Variants in RIPOR2 observed in about 807,000 individuals in gnomAD.
RIPOR2 encodes the protein rho family-interacting cell polarization regulator 2.
RIPOR2 carries 39 observed loss-of-function variants against 114.5 expected under a neutral mutation model. That is an observed-to-expected ratio of 0.34 (90% CI 0.26 to 0.44). RIPOR2 has a LOEUF of 0.44. Ranked by LOEUF, RIPOR2 falls within the 20% of genes least tolerant of loss-of-function variation. RIPOR2 has a pLI of 1.00. For synonymous variants in RIPOR2, 445 were observed against 484.4 expected, an observed-to-expected ratio of 0.92 and a Z score of 1.07; for missense variants, 1,007 against 1,255.1, an observed-to-expected ratio of 0.80 and a Z score of 2.99.
intron 20 of RIPOR2, among the ~76,000 whole-genome samples, chr6:24,817,771 C>T (rs1759288312): frequency 6.6e-6 from 1 of 152,156 alleles, no homozygotes; most frequent in Admixed American, 6.6e-5. Flanking sequence ...CACGACACCT[C>T]CTTATGACAA....
chr6:24,861,012 G>T lies in RIPOR2; in HGVS notation c.676C>A (p.Leu226Ile). Residue 226 changes from leucine to isoleucine, a missense_variant, in exon 8 of 22, where the codon CTA becomes ATA. Physicochemically the swap from Leu to Ile is conservative, Grantham distance 5 (BLOSUM62 2). Coordinates refer to ENST00000643898, the MANE Select transcript of RIPOR2 (RefSeq NM_001286445.3). ...TENMCTIEVE[L>I]ENLLGEFSIK... is the part of the protein sequence containing the mutation. ...GAGAATTCTCCCAGCAGATTCTCTA[G>T]CTCCACTTCAATGGTGCACATATTC... The T allele has an allele frequency of 6.2e-7, 1 of 1,610,448 alleles. No homozygotes were observed. Among genetic ancestry groups the T allele is most frequent in the South Asian group, 1.1e-5 (1 of 90,658 alleles).
intron 1 of RIPOR2, among the ~76,000 whole-genome samples, chr6:24,876,504 T>C (rs1220094320): frequency 6.6e-6 from 1 of 152,022 alleles, no homozygotes; most frequent in Non-Finnish European, 1.5e-5. Context: ...TGCGTCAAAC[T>C]GAAAACACAG....
At chr6:24,852,723 G>T in intron 8 of RIPOR2, 105 bp from the exon 9 acceptor site, 1 of 838,962 alleles carries the variant, frequency 1.2e-6, no homozygotes, top group Non-Finnish European at 1.8e-6. Flanking sequence ...AGAACTTTGT[G>T]CAAACTCACA....
At chr6:24,854,097 T>C (rs1763208317) in intron 8 of RIPOR2, among the ~76,000 whole-genome samples, 1 of 139,878 alleles carries the variant, frequency 7.1e-6, no homozygotes, top group South Asian at 2.2e-4. Context: ...CCAGCCTGGG[T>C]AACAGAGTGA....
chr6:24,868,614 A>G (rs1253088363), intron 6 of RIPOR2, among the ~76,000 whole-genome samples: 1 of 152,108 alleles, frequency 6.6e-6, no homozygotes, highest in Non-Finnish European at 1.5e-5. Context: ...GCACCCGAAA[A>G]CCATGCCATA....
Position 24,848,050 on chromosome 6 carries a change from G to A in RIPOR2, c.1139C>T (p.Pro380Leu), listed in dbSNP as rs758778623. 31 of 1,613,796 alleles carry A rather than the reference G, an allele frequency of 1.9e-5. No homozygotes were observed. Among genetic ancestry groups the A allele is most frequent in the South Asian group, 1.8e-4 (16 of 91,076 alleles). Residue 380 changes from proline to leucine, a missense_variant, in exon 12 of 22, where the codon CCC becomes CTC. Transcript: ENST00000643898. Reference sequence around the variant, plus strand: ...AAAGAAGGAGTGGTCTTTGAAGGTGGGCGTTTCCGGGGTACCCTGGCTGTA... The same window carrying A: ...AAAGAAGGAGTGGTCTTTGAAGGTGAGCGTTTCCGGGGTACCCTGGCTGTA... The part of the protein sequence containing the change: ...SMYSQGTPET[P>L]TFKDHSFFSN...
intron 1 of RIPOR2, among the ~76,000 whole-genome samples, chr6:24,909,972 A>T (rs1400512419): frequency 1.3e-5 from 2 of 151,962 alleles, no homozygotes; most frequent in African/African-American, 2.4e-5. Flanking sequence ...CCACCTTAGC[A>T]CCTGATGACT....
At chr6:24,810,628 G>A (rs1045847787) in intron 20 of RIPOR2, among the ~76,000 whole-genome samples, 5 of 152,146 alleles carry the variant, frequency 3.3e-5, no homozygotes, top group African/African-American at 1.2e-4. Context: ...GAAAACCCAT[G>A]CAGATCACTG....
rs1409870427 is a variant in RIPOR2 at position 24,805,262 on chromosome 6, G to C, written c.*1111C>G. ...AAAAAAAAAAAAGCATAAGCTTTGA[G>C]TTTTTTGTTTAAGTGTATAGGCATA... On this transcript the variant is annotated 3_prime_UTR_variant, in exon 22 of 22. Transcript: ENST00000643898. The C allele has an allele frequency of 4.0e-5, 2 of 50,322 alleles. No homozygotes were observed. The highest frequency in any genetic ancestry group is 4.1e-4 in the Admixed American group (2 of 4,866). 3.1% of individuals were successfully genotyped at this position (50,322 alleles called of 1,614,324 possible).
At chr6:24,936,470 G>A (rs1771814491), upstream of RIPOR2, among the ~76,000 whole-genome samples, 1 of 151,922 alleles carries the variant, frequency 6.6e-6, no homozygotes, top group Non-Finnish European at 1.5e-5. Flanking sequence ...TGCATTTAAG[G>A]ATTGGAAACT....
intron 1 of RIPOR2, among the ~76,000 whole-genome samples, chr6:24,980,946 C>T (rs1774262419): frequency 6.6e-6 from 1 of 152,120 alleles, no homozygotes; most frequent in Non-Finnish European, 1.5e-5. Context: ...TTCATTGTCC[C>T]AGTCTTCTAT....
Position 24,865,334 on chromosome 6 carries a change from TG to T in RIPOR2, c.617del (p.Thr206LysfsTer21). ...ACTCCTTGAAGCTCCGATTGATCTC[TG>T]TCAGACTCTCCCGGGCAGCTTTGCT... ...PASKAARESL[T>X]EINRSFKEYT... On this transcript the variant is annotated frameshift_variant, in exon 7 of 22. Coordinates refer to ENST00000643898, the MANE Select transcript of RIPOR2 (RefSeq NM_001286445.3). LOFTEE classifies it high-confidence loss of function. The T allele has an allele frequency of 6.2e-7, 1 of 1,612,664 alleles. No individual in the cohort carries two copies. Among genetic ancestry groups the T allele is most frequent in the Non-Finnish European group, 8.5e-7 (1 of 1,178,832 alleles).
rs1770986519 is a variant in RIPOR2 at position 24,927,252 on chromosome 6, C to CATCACCATCACT, written c.61+8585_61+8586insAGTGATGGTGAT. The stretch of plus-strand genomic sequence containing the variant: ...GCACCACCACAACTACAATCACCAC[C>CATCACCATCACT]ACCACCACCACCACAGCTACAATCA... On this transcript the variant is annotated intron_variant, in intron 1 of 21. Coordinates refer to ENST00000643898, the MANE Select transcript of RIPOR2 (RefSeq NM_001286445.3). 8.6e-5 allele frequency among the ~76,000 whole-genome samples: 13 copies of CATCACCATCACT among 151,986 alleles called. 2 individuals are homozygous for CATCACCATCACT. Among genetic ancestry groups the CATCACCATCACT allele is most frequent in the Admixed American group, 2.6e-4 (4 of 15,266 alleles).
chr6:25,021,442 G>A (rs1004011285), intron 1 of RIPOR2, among the ~76,000 whole-genome samples: 33 of 152,178 alleles, frequency 2.2e-4, no homozygotes, highest in African/African-American at 7.7e-4. Context: ...CATTCACGAT[G>A]GAATACTACT....
intron 15 of RIPOR2, among the ~76,000 whole-genome samples, chr6:24,835,200 G>A (rs986916461): frequency 6.6e-6 from 1 of 152,170 alleles, no homozygotes; most frequent in African/African-American, 2.4e-5. Context: ...GAGCTAAATG[G>A]TGATGATGAT....
Position 24,858,257 on chromosome 6 carries a change from C to A in RIPOR2, c.715+2716G>T, listed in dbSNP as rs1206305315. On this transcript the variant is annotated intron_variant, in intron 8 of 21. Coordinates refer to ENST00000643898, the MANE Select transcript of RIPOR2 (RefSeq NM_001286445.3). The surrounding 1 kb of genome is among the most constrained non-coding windows in gnomAD (Gnocchi z 4.0). ...GCAGTCATCAGAATGCAGTCAAGTG[C>A]CTGGCCAATAGCAGGCACTCAGTAA... Among the ~76,000 whole-genome samples, 1 of 152,186 alleles carries A rather than the reference C, an allele frequency of 6.6e-6. No homozygotes were observed. Among genetic ancestry groups the A allele is most frequent in the African/African-American group, 2.4e-5 (1 of 41,454 alleles).
At chr6:24,936,017 C>T (rs1771784251), upstream of RIPOR2, 1 of 678,996 alleles carries the variant, frequency 1.5e-6, no homozygotes, top group African/African-American at 1.8e-5. Context: ...AGGGCAGCTT[C>T]CGCATCTGCC....
At chr6:25,023,415 T>C in intron 1 of RIPOR2, 1 of 769,736 alleles carries the variant, frequency 1.3e-6, no homozygotes, top group Non-Finnish European at 2.4e-6. Flanking sequence ...CAGCCAAGGA[T>C]GTACACCCGG....
chr6:24,904,805 C>T lies in RIPOR2; in HGVS notation c.62-28988G>A, dbSNP rs191521484. Reference sequence around the variant, plus strand: ...TCTTTTATTTTTGGAGACGGAGTCTCGCTTTGTTGCCCAGGCTGGAGTGCA... The same window carrying T: ...TCTTTTATTTTTGGAGACGGAGTCTTGCTTTGTTGCCCAGGCTGGAGTGCA... On this transcript the variant is annotated intron_variant, in intron 1 of 21. Transcript: ENST00000643898. Among the ~76,000 whole-genome samples, 284 of 152,302 alleles carry T rather than the reference C, an allele frequency of 1.9e-3. 1 individual carries two copies. The highest frequency in any genetic ancestry group is 6.5e-3 in the African/African-American group (272 of 41,568).
Sources: allele counts gnomAD v4.1 joint callset (sites outside exome capture counted in the v4.1 genomes callset), GRCh38; gene constraint gnomAD v4.1.1; non-coding constraint Gnocchi (gnomAD v3.1); transcripts MANE v1.5; gene names NCBI Gene and HGNC (gene_info 2026-07-23, HGNC 2026-07-21).